Variants in C2orf72 observed in about 807,000 individuals in gnomAD.
The protein encoded by C2orf72 is chromosome 2 open reading frame 72, also known as uncharacterized protein C2orf72.
In C2orf72, 16 loss-of-function variants were observed where a neutral mutation model predicts 14.4. That is an observed-to-expected ratio of 1.11 (90% CI 0.75 to 1.69). C2orf72 has a LOEUF of 1.69. C2orf72 is among the 40% of genes most tolerant of loss of function. The probability of loss-of-function intolerance (pLI) is 0.00; values close to 1 mark genes in which losing one functional copy is unlikely to be tolerated. For synonymous variants in C2orf72, 168 were observed against 176.8 expected, an observed-to-expected ratio of 0.95 and a Z score of 0.40; for missense variants, 371 against 358.3, an observed-to-expected ratio of 1.04 and a Z score of -0.29.
chr2:231,044,423 G>T (rs1172789928), intron 2 of C2orf72, among the ~76,000 whole-genome samples: 1 of 152,200 alleles, frequency 6.6e-6, no homozygotes, highest in African/African-American at 2.4e-5. Flanking sequence ...CAGGAGGATG[G>T]CTCGGGCCCA....
Position 231,037,938 on chromosome 2 carries a change from C to T in C2orf72, c.373C>T (p.Leu125=). The change falls in exon 1 of 3, where the codon CTG becomes TTG. Residue 125 remains leucine (L), a synonymous_variant. Transcript: ENST00000373640. ...SLAAREPRRR[L]REMLRDVRGR... ...GGCCGCCCGGGAGCCGCGGCGCCGC[C>T]TGCGGGAGATGCTGCGGGACGTGCG... 2 of 1,032,076 alleles carry T rather than the reference C, an allele frequency of 1.9e-6. No individual in the cohort carries two copies. Among genetic ancestry groups the T allele is most frequent in the Non-Finnish European group, 2.3e-6 (2 of 862,490 alleles). The allele number at this position is 1,032,076 out of a possible 1,614,324, so 63.9% of individuals were successfully genotyped here.
chr2:231,038,333 C>A, intron 1 of C2orf72, 134 bp downstream of exon 1: 1 of 719,242 alleles, frequency 1.4e-6, no homozygotes, highest in Non-Finnish European at 1.8e-6. Context: ...GTGCCTAGAG[C>A]CAGGCCTCGC....
chr2:231,047,441 G>T lies in C2orf72; in HGVS notation c.*420G>T, dbSNP rs1693433583. The T allele has an allele frequency of 6.0e-6, 2 of 333,404 alleles. No individual in the cohort carries two copies. Among genetic ancestry groups the T allele is most frequent in the South Asian group, 4.8e-5 (2 of 41,904 alleles). 20.7% of individuals were successfully genotyped at this position (333,404 alleles called of 1,614,324 possible). ...CAGAAGTCATCAGAGCTGAGGCATG[G>T]CCTTGAACATGTCACTCAGTCTCTG... is the stretch of plus-strand genomic sequence containing the variant. On this transcript the variant is annotated 3_prime_UTR_variant, in exon 3 of 3. Coordinates refer to ENST00000373640, the MANE Select transcript of C2orf72 (RefSeq NM_001144994.2).
At chr2:231,044,142 A>G (rs984256990) in intron 2 of C2orf72, among the ~76,000 whole-genome samples, 1 of 148,316 alleles carries the variant, frequency 6.7e-6, no homozygotes, top group Non-Finnish European at 1.5e-5. Context: ...GACACTTACC[A>G]TGAATGAAGT....
In C2orf72 at chr2:231,047,120, C is replaced by T. The variant is rs571417021; in HGVS notation, c.*99C>T. The T allele has an allele frequency of 1.2e-5, 18 of 1,446,262 alleles. No homozygotes were observed. The East Asian group carries it at 2.7e-4, about 22-fold the overall frequency. The allele number at this position is 1,446,262 out of a possible 1,614,324, so 89.6% of individuals were successfully genotyped here. On this transcript the variant is annotated 3_prime_UTR_variant, in exon 3 of 3. Transcript: ENST00000373640. ...TCTCCATGGAGACTGCAGAAACCCC[C>T]GCCTGCTGGAGGCCTGCCACACTCA...
chr2:231,043,414 AAG>A (rs1311420790), intron 2 of C2orf72, among the ~76,000 whole-genome samples: 1 of 152,176 alleles, frequency 6.6e-6, no homozygotes, highest in African/African-American at 2.4e-5. Context: ...AAAAAAAAGA[AAG>A]AAAACAAATG....
chr2:231,045,204 C>T (rs1693399773), intron 2 of C2orf72, among the ~76,000 whole-genome samples: 2 of 151,570 alleles, frequency 1.3e-5, no homozygotes, highest in Admixed American at 6.6e-5. Context: ...GCGGAGGTTG[C>T]AGTGGGCAGA....
intron 1 of C2orf72, chr2:231,041,051 G>A (rs1269027381): frequency 1.3e-5 from 5 of 375,710 alleles, no homozygotes; most frequent in African/African-American, 4.2e-5. Context: ...CCTCAACATG[G>A]TACCTACATC....
At chr2:231,038,260 G>T in intron 1 of C2orf72, 61 bp downstream of exon 1, 1 of 1,144,928 alleles carries the variant, frequency 8.7e-7, no homozygotes, top group Non-Finnish European at 1.1e-6. Context: ...CGTCCCCCAA[G>T]TTGGACCCCT....
At chr2:231,043,404 A>T (rs942843874) in intron 2 of C2orf72, among the ~76,000 whole-genome samples, 13 of 152,158 alleles carry the variant, frequency 8.5e-5, no homozygotes, top group African/African-American at 3.1e-4. Context: ...AAGTACAAAA[A>T]AAAAAAAGAA....
Position 231,048,485 on chromosome 2 carries a change from G to C in C2orf72, c.*1464G>C, listed in dbSNP as rs1382308811. ...ATCACTGGCTCCAGAACTCCCGGCT[G>C]CCAGGGTAGCCCCTACCCCCAGCCC... On this transcript the variant is annotated 3_prime_UTR_variant, in exon 3 of 3. Coordinates refer to ENST00000373640, the MANE Select transcript of C2orf72 (RefSeq NM_001144994.2). 1.3e-5 allele frequency: 2 copies of C among 153,262 alleles called. No individual in the cohort carries two copies. Among genetic ancestry groups the C allele is most frequent in the Non-Finnish European group, 2.9e-5 (2 of 68,932 alleles). 9.5% of individuals were successfully genotyped at this position (153,262 alleles called of 1,614,324 possible). A position where few individuals can be genotyped will look rare whatever the true frequency, so the allele number is the denominator to read the frequency against.
Position 231,047,089 on chromosome 2 carries a change from C to T in C2orf72, c.*68C>T, listed in dbSNP as rs373843593. On this transcript the variant is annotated 3_prime_UTR_variant, in exon 3 of 3. Coordinates refer to ENST00000373640, the MANE Select transcript of C2orf72 (RefSeq NM_001144994.2). ...GGGGCCTGGCTCCGTCTTACTGGCC[C>T]CCAGGTCTCCATGGAGACTGCAGAA... 4.5e-6 allele frequency: 7 copies of T among 1,543,824 alleles called. No homozygotes were observed. In the African/African-American group the frequency reaches 8.2e-5, roughly 18 times the overall value.
chr2:231,044,830 C>G (rs1051617039), intron 2 of C2orf72, among the ~76,000 whole-genome samples: 3 of 150,340 alleles, frequency 2.0e-5, no homozygotes, highest in Non-Finnish European at 3.0e-5. Context: ...GCTGTCACCT[C>G]CTATGATAAA....
Position 231,048,421 on chromosome 2 carries a change from A to G in C2orf72, c.*1400A>G, listed in dbSNP as rs1323274966. 2.0e-5 allele frequency: 3 copies of G among 152,330 alleles called. No individual in the cohort carries two copies. Among genetic ancestry groups the G allele is most frequent in the East Asian group, 1.9e-4 (1 of 5,192 alleles). 9.4% of individuals were successfully genotyped at this position (152,330 alleles called of 1,614,324 possible). A position where few individuals can be genotyped will look rare whatever the true frequency, so the allele number is the denominator to read the frequency against. On this transcript the variant is annotated 3_prime_UTR_variant, in exon 3 of 3. Coordinates refer to ENST00000373640, the MANE Select transcript of C2orf72 (RefSeq NM_001144994.2). ...TCAGCTCTCTCCAGGATAGTGCCAA[A>G]TGGTGCAATGGGAAACCTGTTTTGC...
chr2:231,038,333 C>T, intron 1 of C2orf72, 134 bp downstream of exon 1: 1 of 719,244 alleles, frequency 1.4e-6, no homozygotes, highest in Non-Finnish European at 1.8e-6. Flanking sequence ...GTGCCTAGAG[C>T]CAGGCCTCGC....
chr2:231,048,111 C>G lies in C2orf72; in HGVS notation c.*1090C>G, dbSNP rs1019231942. 1 of 152,226 alleles carries G rather than the reference C, an allele frequency of 6.6e-6. No homozygotes were observed. The highest frequency in any genetic ancestry group is 1.5e-5 in the Non-Finnish European group (1 of 68,066). The allele number at this position is 152,226 out of a possible 1,614,324, so 9.4% of individuals were successfully genotyped here. A position where few individuals can be genotyped will look rare whatever the true frequency, so the allele number is the denominator to read the frequency against. ...GTTCTGGAATCCCTTCCTCTGTGTC[C>G]GTGAGTCTGACAGAATCGATGATGT... On this transcript the variant is annotated 3_prime_UTR_variant, in exon 3 of 3. Transcript: ENST00000373640.
At chr2:231,038,542 G>T (rs1327986996) in intron 1 of C2orf72, among the ~76,000 whole-genome samples, 4 of 151,610 alleles carry the variant, frequency 2.6e-5, no homozygotes, top group Non-Finnish European at 5.9e-5. Flanking sequence ...GAGAAGAGGA[G>T]TGGGGAAGGA....
intron 2 of C2orf72, among the ~76,000 whole-genome samples, chr2:231,045,891 G>A (rs1022631823): frequency 6.6e-6 from 1 of 152,174 alleles, no homozygotes; most frequent in East Asian, 1.9e-4. Context: ...TATGTTGCAC[G>A]TGACTGTACT....
At chr2:231,039,733 T>C (rs1387354315) in intron 1 of C2orf72, among the ~76,000 whole-genome samples, 3 of 151,784 alleles carry the variant, frequency 2.0e-5, no homozygotes, top group African/African-American at 7.3e-5. Flanking sequence ...TTCTATACCC[T>C]AATGAGTGCA....
Sources: allele counts gnomAD v4.1 joint callset (sites outside exome capture counted in the v4.1 genomes callset), GRCh38; gene constraint gnomAD v4.1.1; transcripts MANE v1.5; gene names NCBI Gene and HGNC (gene_info 2026-07-23, HGNC 2026-07-21).